FBXL7: variants seen among roughly 807,000 people sequenced by gnomAD.
FBXL7 encodes F-box and leucine rich repeat protein 7, also known as F-box/LRR-repeat protein 7.
A neutral mutation model predicts 38.3 loss-of-function variants in FBXL7; 12 were observed. That is an observed-to-expected ratio of 0.31 (90% CI 0.20 to 0.51). The LOEUF (loss-of-function observed/expected upper bound fraction) is 0.51, where lower values mean the gene tolerates loss of function less well. Among genes scored for constraint, FBXL7 ranks in the 20% least tolerant of loss-of-function variants. The probability of loss-of-function intolerance (pLI) is 0.98; values close to 1 mark genes in which losing one functional copy is unlikely to be tolerated. For missense variants in FBXL7, 567 were observed against 676.4 expected (o/e 0.84, Z 1.79); for synonymous variants, 297 against 300.9 (o/e 0.99, Z 0.13).
Position 15,779,175 on chromosome 5 carries a change from G to C in FBXL7, c.128-148715G>C, listed in dbSNP as rs181761152. On this transcript the variant is annotated intron_variant, in intron 2 of 3. Coordinates refer to ENST00000504595, the MANE Select transcript of FBXL7 (RefSeq NM_012304.5). ...GGAGTTGGAGAGTTTCAGAATGGTG[G>C]TTACCAGAGGCTGGGAAGGGAGGTG... is the stretch of plus-strand genomic sequence containing the variant. 1.4e-4 allele frequency among the ~76,000 whole-genome samples: 22 copies of C among 152,096 alleles called. No individual in the cohort carries two copies. In the East Asian group the frequency reaches 4.1e-3, roughly 28 times the overall value.
chr5:15,565,172 C>T (rs1738530902), intron 1 of FBXL7, among the ~76,000 whole-genome samples: 1 of 151,982 alleles, frequency 6.6e-6, no homozygotes, highest in Admixed American at 6.6e-5. Context: ...TTTTCCATGC[C>T]ATAAAAATAT....
At chr5:15,618,263 A>T (rs1484791336) in intron 2 of FBXL7, among the ~76,000 whole-genome samples, 1 of 152,210 alleles carries the variant, frequency 6.6e-6, no homozygotes, top group Non-Finnish European at 1.5e-5. Flanking sequence ...GTTTTGAGCA[A>T]CTGGGCTAAA....
intron 3 of FBXL7, chr5:15,935,363 C>T (rs1406145598): frequency 3.0e-5 from 12 of 405,854 alleles, no homozygotes; most frequent in East Asian, 7.0e-5. Flanking sequence ...GATTCAAGGA[C>T]ACCTGGAGTG....
At chr5:15,622,189 A>G (rs1359695845) in intron 2 of FBXL7, among the ~76,000 whole-genome samples, 1 of 152,096 alleles carries the variant, frequency 6.6e-6, no homozygotes, top group Admixed American at 6.5e-5. Flanking sequence ...TGCTCAATAA[A>G]TACTGATTAA....
intron 2 of FBXL7, among the ~76,000 whole-genome samples, chr5:15,776,839 T>C (rs1736868395): frequency 6.6e-6 from 1 of 152,134 alleles, no homozygotes; most frequent in African/African-American, 2.4e-5. Flanking sequence ...ATGGAGATAA[T>C]AATTATAGAA....
At chr5:15,630,479 A>ATT (rs562616295) in intron 2 of FBXL7, among the ~76,000 whole-genome samples, 47 of 144,896 alleles carry the variant, frequency 3.2e-4, no homozygotes, top group African/African-American at 1.2e-3. Context: ...GTGTGCTCAG[A>ATT]TTTTTTTTTT....
rs1376975438 is a variant in FBXL7, at chr5:15,786,702, T to C, written c.128-141188T>C. Among the ~76,000 whole-genome samples the C allele has an allele frequency of 2.0e-5, 3 of 152,220 alleles. No individual in the cohort carries two copies. The East Asian group carries it at 5.8e-4, about 29-fold the overall frequency. ...CCTGTGCTCAAAGGTATTATTTGAT[T>C]AAATTTAATAAAAAAATTAATTACT... On this transcript the variant is annotated intron_variant, in intron 2 of 3. Coordinates refer to ENST00000504595, the MANE Select transcript of FBXL7 (RefSeq NM_012304.5).
At chr5:15,746,348 T>C (rs180762931) in intron 2 of FBXL7, among the ~76,000 whole-genome samples, 1 of 152,244 alleles carries the variant, frequency 6.6e-6, no homozygotes, top group African/African-American at 2.4e-5. Context: ...TGATACAAAG[T>C]TGGATGCTGG....
At position 15,631,494 on chromosome 5, in the gene FBXL7, G is replaced by A. The variant is rs111630056; in HGVS notation, c.127+15422G>A. On this transcript the variant is annotated intron_variant, in intron 2 of 3. Transcript: ENST00000504595. ...GTGGATCACCTGAGGTCAGGAGTTC[G>A]AGACCAGACTGACCAACATGGTGAA... Among the ~76,000 whole-genome samples, 4 of 151,918 alleles carry A rather than the reference G, an allele frequency of 2.6e-5. No individual in the cohort carries two copies. In the South Asian group the frequency reaches 6.3e-4, roughly 24 times the overall value.
intron 2 of FBXL7, among the ~76,000 whole-genome samples, chr5:15,871,050 A>G (rs780199984): frequency 9.2e-5 from 14 of 152,138 alleles, no homozygotes; most frequent in Non-Finnish European, 1.8e-4. Context: ...CAAACACCTC[A>G]TACAGGAGAG....
chr5:15,920,543 CAG>C (rs919601076), intron 2 of FBXL7, among the ~76,000 whole-genome samples: 10 of 151,872 alleles, frequency 6.6e-5, no homozygotes, highest in Admixed American at 3.9e-4. Context: ...TGTTTTGAGA[CAG>C]AGTCTCCCTC....
chr5:15,914,227 A>G (rs1741521494), intron 2 of FBXL7, among the ~76,000 whole-genome samples: 1 of 151,916 alleles, frequency 6.6e-6, no homozygotes, highest in Admixed American at 6.6e-5. Flanking sequence ...TCTACTAAAC[A>G]TACAAAAAAT....
At chr5:15,556,077 TATC>T (rs1302889793) in intron 1 of FBXL7, among the ~76,000 whole-genome samples, 1 of 126,526 alleles carries the variant, frequency 7.9e-6, no homozygotes, top group Non-Finnish European at 1.6e-5. Flanking sequence ...ATCTGTTTAT[TATC>T]TATCATCTAT....
intron 1 of FBXL7, among the ~76,000 whole-genome samples, chr5:15,608,039 A>C (rs1740088582): frequency 1.3e-5 from 2 of 152,226 alleles, no homozygotes; most frequent in African/African-American, 2.4e-5. Context: ...TGTGTAAAGC[A>C]GTTAGAAAGA....
At chr5:15,611,311 C>A in intron 1 of FBXL7, among the ~76,000 whole-genome samples, 1 of 128,194 alleles carries the variant, frequency 7.8e-6, no homozygotes, top group Non-Finnish European at 1.7e-5. Context: ...TGTTTTGCCA[C>A]TTTTTTTTTT....
At chr5:15,660,351 A>C (rs1361931085) in intron 2 of FBXL7, among the ~76,000 whole-genome samples, 1 of 152,170 alleles carries the variant, frequency 6.6e-6, no homozygotes, top group Non-Finnish European at 1.5e-5. Context: ...CCCCCACTCT[A>C]GCTTCATTGT....
At chr5:15,674,280 T>G (rs899540421) in intron 2 of FBXL7, among the ~76,000 whole-genome samples, 5 of 152,222 alleles carry the variant, frequency 3.3e-5, no homozygotes, top group Non-Finnish European at 7.4e-5. Context: ...ACAGTTTATT[T>G]AGCTGTTGAT....
intron 1 of FBXL7, among the ~76,000 whole-genome samples, chr5:15,547,196 T>C (rs989851288): frequency 5.3e-5 from 8 of 152,206 alleles, no homozygotes; most frequent in Admixed American, 2.6e-4. Context: ...CCCAGGAAGT[T>C]TGCATCTGCA....
intron 2 of FBXL7, among the ~76,000 whole-genome samples, chr5:15,616,869 C>T (rs1001156523): frequency 1.3e-5 from 2 of 152,196 alleles, no homozygotes; most frequent in African/African-American, 4.8e-5. Context: ...TAAACATCGA[C>T]GCCATTGATA....
Sources: allele counts gnomAD v4.1 joint callset (sites outside exome capture counted in the v4.1 genomes callset), GRCh38; gene constraint gnomAD v4.1.1; transcripts MANE v1.5; gene names NCBI Gene and HGNC (gene_info 2026-07-23, HGNC 2026-07-21).